Variants in ANAPC10 observed in about 807,000 individuals in gnomAD.
The protein encoded by ANAPC10 is anaphase promoting complex subunit 10.
ANAPC10 carries 12 observed loss-of-function variants against 22.0 expected under a neutral mutation model. The observed-to-expected ratio is 0.55, with a 90% CI of 0.35 to 0.88. The LOEUF is 0.88. Among genes scored for constraint, ANAPC10 ranks in the 40% least tolerant of loss-of-function variants. The pLI is 0.01. For synonymous variants in ANAPC10, 65 were observed against 69.5 expected (o/e 0.94, Z 0.32); for missense variants, 188 against 220.9 (o/e 0.85, Z 0.94).
chr4:145,040,777 A>G (rs1739390407), intron 4 of ANAPC10, among the ~76,000 whole-genome samples: 1 of 152,210 alleles, frequency 6.6e-6, no homozygotes. Flanking sequence ...ATATTCTAAG[A>G]TAAGTACAAG....
intron 4 of ANAPC10, among the ~76,000 whole-genome samples, chr4:145,021,822 CA>C (rs1168097704): frequency 2.0e-5 from 3 of 151,278 alleles, no homozygotes; most frequent in South Asian, 2.1e-4. Context: ...TCAAATCAGC[CA>C]AAAAAAATTA....
At chr4:144,996,094 G>A (rs957624095) in intron 4 of ANAPC10, among the ~76,000 whole-genome samples, 1 of 152,204 alleles carries the variant, frequency 6.6e-6, no homozygotes, top group Non-Finnish European at 1.5e-5. Flanking sequence ...TAACGACAGG[G>A]TTCGAGGTAG....
intron 4 of ANAPC10, among the ~76,000 whole-genome samples, chr4:145,036,468 G>A (rs1272956923): frequency 2.0e-5 from 3 of 152,092 alleles, no homozygotes; most frequent in Non-Finnish European, 2.9e-5. Flanking sequence ...CAAGAGTGTG[G>A]GACAGGGTGA....
chr4:145,064,940 A>G (rs34032580), intron 3 of ANAPC10, among the ~76,000 whole-genome samples: 6 of 152,072 alleles, frequency 3.9e-5, no homozygotes, highest in Non-Finnish European at 8.8e-5. Context: ...AGCCAGATGC[A>G]AGCAAAGAAG....
At chr4:145,052,889 A>G (rs77159643) in intron 4 of ANAPC10, among the ~76,000 whole-genome samples, 1 of 147,888 alleles carries the variant, frequency 6.8e-6, no homozygotes, top group Non-Finnish European at 1.5e-5. Context: ...CTCTGTCTCA[A>G]AAAAAAAAAA....
chr4:145,016,618 T>C (rs1340932627), intron 4 of ANAPC10, among the ~76,000 whole-genome samples: 1 of 152,198 alleles, frequency 6.6e-6, no homozygotes, highest in African/African-American at 2.4e-5. Context: ...TGGAAAAAAC[T>C]ACTTTAAAGT....
intron 3 of ANAPC10, among the ~76,000 whole-genome samples, chr4:145,078,102 T>G (rs1225273132): frequency 2.0e-5 from 3 of 152,160 alleles, no homozygotes; most frequent in African/African-American, 7.2e-5. Context: ...GCAGACAATA[T>G]AATTCTACAC....
At chr4:145,022,221 A>G (rs1184894681) in intron 4 of ANAPC10, among the ~76,000 whole-genome samples, 1 of 152,162 alleles carries the variant, frequency 6.6e-6, no homozygotes, top group Non-Finnish European at 1.5e-5. Context: ...TTATAGCAGC[A>G]CAATTCACAA....
chr4:145,082,910 G>C (rs567065034), intron 2 of ANAPC10, among the ~76,000 whole-genome samples: 6 of 152,278 alleles, frequency 3.9e-5, no homozygotes, highest in Non-Finnish European at 7.4e-5. Context: ...ACAGTGAAAA[G>C]TCACTATCTA....
intron 2 of ANAPC10, among the ~76,000 whole-genome samples, chr4:145,092,642 C>A (rs1174659889): frequency 5.3e-5 from 8 of 152,164 alleles, no homozygotes; most frequent in Non-Finnish European, 1.2e-4. Context: ...TGCAAGGGCC[C>A]TCACTTTACA....
chr4:145,040,521 G>C (rs1739355457), intron 4 of ANAPC10, among the ~76,000 whole-genome samples: 1 of 152,144 alleles, frequency 6.6e-6, no homozygotes, highest in Non-Finnish European at 1.5e-5. Flanking sequence ...ACCATTCACT[G>C]AGCTGCTAGT....
intron 4 of ANAPC10, among the ~76,000 whole-genome samples, chr4:145,012,176 GTATATATA>G (rs111592959): frequency 3.1e-4 from 44 of 140,632 alleles, no homozygotes; most frequent in African/African-American, 1.1e-3. Context: ...GTGTGTGTGT[GTATATATA>G]TATATATATA....
intron 4 of ANAPC10, among the ~76,000 whole-genome samples, chr4:145,003,751 TAC>T (rs1732929323): frequency 6.6e-6 from 1 of 152,168 alleles, no homozygotes; most frequent in East Asian, 1.9e-4. Context: ...AGCCTTATAC[TAC>T]AGTTTCAAGT....
At chr4:145,037,480 G>C (rs549608681) in intron 4 of ANAPC10, among the ~76,000 whole-genome samples, 2 of 152,162 alleles carry the variant, frequency 1.3e-5, no homozygotes, top group Non-Finnish European at 1.5e-5. Flanking sequence ...TAGCCTTTAA[G>C]TAAACGTGTC....
intron 4 of ANAPC10, among the ~76,000 whole-genome samples, chr4:145,005,004 T>C (rs758914964): frequency 6.6e-6 from 1 of 152,196 alleles, no homozygotes; most frequent in African/African-American, 2.4e-5. Flanking sequence ...TTATTACTGA[T>C]TCAGTTTCAG....
chr4:145,055,045 A>G (rs1189147803), intron 4 of ANAPC10, among the ~76,000 whole-genome samples: 2 of 152,146 alleles, frequency 1.3e-5, no homozygotes, highest in Admixed American at 1.3e-4. Context: ...GGCAAAAAAA[A>G]TTAAAAATAG....
At chr4:145,004,112 G>A (rs1262690469) in intron 4 of ANAPC10, among the ~76,000 whole-genome samples, 1 of 152,026 alleles carries the variant, frequency 6.6e-6, no homozygotes, top group Non-Finnish European at 1.5e-5. Flanking sequence ...ACTGTGAATA[G>A]AACTGCATTC....
chr4:145,037,562 G>A (rs1404524617), intron 4 of ANAPC10, among the ~76,000 whole-genome samples: 1 of 151,890 alleles, frequency 6.6e-6, no homozygotes, highest in Non-Finnish European at 1.5e-5. Flanking sequence ...AAACAGGTGG[G>A]GGCATCATAA....
At chr4:145,033,629 C>T (rs1737974948) in intron 4 of ANAPC10, among the ~76,000 whole-genome samples, 1 of 152,154 alleles carries the variant, frequency 6.6e-6, no homozygotes, top group Non-Finnish European at 1.5e-5. Context: ...TGGGAAACTA[C>T]AACAGCCCAA....
Sources: gnomAD v4.1 joint callset for allele counts (sites outside exome capture counted in the v4.1 genomes callset) on GRCh38, gnomAD v4.1.1 for gene constraint, MANE v1.5 for transcripts, NCBI Gene and HGNC (gene_info 2026-07-23, HGNC 2026-07-21) for gene names.